Variants in CNTLN observed in about 807,000 individuals in gnomAD.
The protein encoded by CNTLN is centlein.
In CNTLN, 212 loss-of-function variants were observed where a neutral mutation model predicts 180.0. That is an observed-to-expected ratio of 1.18 (90% confidence interval 1.05 to 1.32). CNTLN has a LOEUF of 1.32. Among genes scored for constraint, CNTLN ranks in the 40% most tolerant of loss-of-function variants. The probability of loss-of-function intolerance (pLI) is 0.00; values close to 1 mark genes in which losing one functional copy is unlikely to be tolerated. For missense variants in CNTLN, 2,095 were observed against 1,610.9 expected (o/e 1.30, Z -5.14); for synonymous variants, 722 against 563.1 (o/e 1.28, Z -3.99).
At chr9:17,417,991 A>G (rs948183099) in intron 18 of CNTLN, among the ~76,000 whole-genome samples, 8 of 152,048 alleles carry the variant, frequency 5.3e-5, no homozygotes, top group Non-Finnish European at 1.0e-4. Flanking sequence ...AATTACTTTC[A>G]TATGAATTTC....
At chr9:17,378,367 G>A (rs1306185061) in intron 13 of CNTLN, among the ~76,000 whole-genome samples, 1 of 152,076 alleles carries the variant, frequency 6.6e-6, no homozygotes, top group African/African-American at 2.4e-5. Flanking sequence ...TTTTAGTAGA[G>A]ATGGGGTTTC....
intron 25 of CNTLN, among the ~76,000 whole-genome samples, chr9:17,497,951 C>T (rs888015218): frequency 6.6e-6 from 1 of 152,054 alleles, no homozygotes; most frequent in African/African-American, 2.4e-5. Flanking sequence ...TAATAAACTA[C>T]ATTATCGTAT....
intron 2 of CNTLN, among the ~76,000 whole-genome samples, chr9:17,194,028 A>T (rs956249910): frequency 6.6e-6 from 1 of 152,190 alleles, no homozygotes; most frequent in Non-Finnish European, 1.5e-5. Flanking sequence ...CCTTTCAGTC[A>T]TGGCCAGAGC....
At chr9:17,319,536 A>T (rs907080693) in intron 8 of CNTLN, among the ~76,000 whole-genome samples, 6 of 152,188 alleles carry the variant, frequency 3.9e-5, no homozygotes, top group Admixed American at 3.3e-4. Context: ...TTTACAGAGT[A>T]ATGGATAAAA....
At chr9:17,160,456 T>C (rs1327081968) in intron 2 of CNTLN, among the ~76,000 whole-genome samples, 1 of 152,188 alleles carries the variant, frequency 6.6e-6, no homozygotes, top group Non-Finnish European at 1.5e-5. Context: ...ATTTCACATC[T>C]TGAGGGTAAT....
chr9:17,420,928 G>A (rs1828670922), intron 18 of CNTLN, among the ~76,000 whole-genome samples: 2 of 152,048 alleles, frequency 1.3e-5, no homozygotes, highest in African/African-American at 4.8e-5. Context: ...GAAAATGCTT[G>A]ATACAATTTC....
At chr9:17,412,827 A>G (rs1312727299) in intron 16 of CNTLN, among the ~76,000 whole-genome samples, 6 of 152,226 alleles carry the variant, frequency 3.9e-5, no homozygotes, top group Non-Finnish European at 8.8e-5. Context: ...AGTTGCTGCC[A>G]TCAAAATGCT....
intron 6 of CNTLN, among the ~76,000 whole-genome samples, chr9:17,289,211 C>G (rs1322343500): frequency 8.8e-6 from 1 of 114,246 alleles, no homozygotes; most frequent in East Asian, 2.4e-4. Flanking sequence ...CTAGTGGTGA[C>G]AAAATCTCTC....
intron 2 of CNTLN, among the ~76,000 whole-genome samples, chr9:17,154,169 C>G (rs1819095250): frequency 6.6e-6 from 1 of 152,256 alleles, no homozygotes; most frequent in Admixed American, 6.5e-5. Flanking sequence ...GTTCGTCAAA[C>G]TCATTCTCTG....
intron 23 of CNTLN, among the ~76,000 whole-genome samples, chr9:17,483,219 C>G (rs1347168838): frequency 6.6e-6 from 1 of 152,082 alleles, no homozygotes; most frequent in Non-Finnish European, 1.5e-5. Context: ...TTTCTTAAGG[C>G]TGATGCTCAA....
intron 18 of CNTLN, among the ~76,000 whole-genome samples, chr9:17,427,428 A>G (rs1350820140): frequency 4.0e-5 from 6 of 151,860 alleles, no homozygotes; most frequent in Non-Finnish European, 8.8e-5. Context: ...ATTTACCTGT[A>G]TTTCCTGTCA....
At chr9:17,299,125 C>T (rs1818162117) in intron 7 of CNTLN, 1 of 198,276 alleles carries the variant, frequency 5.0e-6, no homozygotes, top group Non-Finnish European at 9.0e-6. Flanking sequence ...TGCCTGTAGT[C>T]CCAGCTACTT....
At chr9:17,246,717 C>G (rs766861143) in intron 5 of CNTLN, among the ~76,000 whole-genome samples, 1 of 152,122 alleles carries the variant, frequency 6.6e-6, no homozygotes, top group South Asian at 2.1e-4. Context: ...CTACCTGGTC[C>G]TCTATTCCAT....
At chr9:17,332,481 G>A (rs1216018792) in intron 9 of CNTLN, 124 bp from the exon 10 acceptor site, 2 of 795,344 alleles carry the variant, frequency 2.5e-6, no homozygotes, top group South Asian at 1.8e-5. Flanking sequence ...GGTATTCCAT[G>A]CAGGATTTTT....
At chr9:17,234,940 A>G (rs546415415) in intron 3 of CNTLN, among the ~76,000 whole-genome samples, 225 of 152,324 alleles carry the variant, frequency 1.5e-3, no homozygotes, top group African/African-American at 5.0e-3. Flanking sequence ...ATAGCTGGAA[A>G]TATGAGATTG....
Position 17,287,758 on chromosome 9 carries a change from T to G in CNTLN, c.984-10432T>G, listed in dbSNP as rs960574969. Among the ~76,000 whole-genome samples the G allele has an allele frequency of 6.1e-5, 9 of 147,082 alleles. No homozygotes were observed. The East Asian group carries it at 1.2e-3, about 20-fold the overall frequency. On this transcript the variant is annotated intron_variant, in intron 6 of 25. Coordinates refer to ENST00000380647, the MANE Select transcript of CNTLN (RefSeq NM_017738.4). ...TGGGAGAGTGTATGTGTTGAGGAAT[T>G]TATCCATTTCTTCTAGATTTTCTAG...
chr9:17,293,187 C>G (rs1563965218), intron 6 of CNTLN, among the ~76,000 whole-genome samples: 1 of 152,200 alleles, frequency 6.6e-6, no homozygotes, highest in Non-Finnish European at 1.5e-5. Flanking sequence ...CAACCTGATG[C>G]CAACAGGAAT....
At chr9:17,316,981 C>G (rs985848667) in intron 8 of CNTLN, among the ~76,000 whole-genome samples, 1 of 151,894 alleles carries the variant, frequency 6.6e-6, no homozygotes, top group South Asian at 2.1e-4. Context: ...GTATGCCCAT[C>G]AGTACAGATT....
At chr9:17,247,216 T>A (rs10962940) in intron 5 of CNTLN, among the ~76,000 whole-genome samples, 25,987 of 151,986 alleles carry the variant, frequency 0.17, 2,491 homozygotes, top group South Asian at 0.28. Flanking sequence ...GGAATTGCAA[T>A]CCTTGTGGCC....
Sources: allele counts gnomAD v4.1 joint callset (sites outside exome capture counted in the v4.1 genomes callset), GRCh38; gene constraint gnomAD v4.1.1; transcripts MANE v1.5; gene names NCBI Gene and HGNC (gene_info 2026-07-23, HGNC 2026-07-21).